TMEM135: variants seen among roughly 807,000 people sequenced by gnomAD.
The protein encoded by TMEM135 is transmembrane protein 135, also known as peroxisomal membrane protein 52.
In TMEM135, 30 loss-of-function variants were observed where a neutral mutation model predicts 60.3. The observed-to-expected ratio is 0.50, with a 90% CI of 0.37 to 0.68. TMEM135 has a LOEUF of 0.68. TMEM135 is among the 30% of genes least tolerant of loss of function. The pLI is 0.00. For missense variants in TMEM135, 468 were observed against 548.8 expected (o/e 0.85, Z 1.47); for synonymous variants, 190 against 186.7 (o/e 1.02, Z -0.14).
At chr11:87,163,820 C>G (rs201348855) in intron 5 of TMEM135, among the ~76,000 whole-genome samples, 54,022 of 117,514 alleles carry the variant, frequency 0.46, 13,757 homozygotes, top group East Asian at 0.66. Context: ...GTGTTTTTTG[C>G]CTGCATAAAT....
intron 6 of TMEM135, among the ~76,000 whole-genome samples, chr11:87,274,786 C>CTCTGTGTGTGTGTGTGTGTG (rs1941936110): frequency 7.7e-6 from 1 of 129,290 alleles, no homozygotes; most frequent in African/African-American, 3.0e-5. Flanking sequence ...CATAGCAAGA[C>CTCTGTGTGTGTGTGTGTGTG]TGTGTGTGTG....
At chr11:87,141,531 G>T (rs189284106) in intron 4 of TMEM135, among the ~76,000 whole-genome samples, 2 of 152,214 alleles carry the variant, frequency 1.3e-5, no homozygotes, top group East Asian at 1.9e-4. Flanking sequence ...CATTTGTAAA[G>T]TTTTATTGCT....
chr11:87,300,048 A>G (rs564564709), intron 7 of TMEM135, among the ~76,000 whole-genome samples: 2 of 152,218 alleles, frequency 1.3e-5, no homozygotes, highest in South Asian at 4.1e-4. Flanking sequence ...AAGAAGAGCA[A>G]TACAGACGCA....
At chr11:87,097,459 G>T (rs747978910) in intron 4 of TMEM135, among the ~76,000 whole-genome samples, 4 of 152,160 alleles carry the variant, frequency 2.6e-5, no homozygotes, top group African/African-American at 9.7e-5. Context: ...TCATCACAAG[G>T]TGAAGTGTGA....
intron 5 of TMEM135, among the ~76,000 whole-genome samples, chr11:87,172,568 G>C (rs1283017613): frequency 6.6e-6 from 1 of 152,002 alleles, no homozygotes; most frequent in East Asian, 1.9e-4. Flanking sequence ...CTGATTGCTA[G>C]AGTGAGAGTA....
chr11:87,150,429 T>G (rs1489164498), intron 4 of TMEM135, among the ~76,000 whole-genome samples: 1 of 152,182 alleles, frequency 6.6e-6, no homozygotes, highest in Non-Finnish European at 1.5e-5. Context: ...ATTACTGACT[T>G]CCTACTACAG....
At chr11:87,110,493 T>C (rs1162504251) in intron 4 of TMEM135, among the ~76,000 whole-genome samples, 1 of 152,074 alleles carries the variant, frequency 6.6e-6, no homozygotes, top group Non-Finnish European at 1.5e-5. Flanking sequence ...TGGTTTACCA[T>C]TTAATAGCTT....
intron 5 of TMEM135, among the ~76,000 whole-genome samples, chr11:87,188,704 C>CAA (rs11374133): frequency 0.43 from 62,966 of 146,108 alleles, 14,475 homozygotes; most frequent in East Asian, 0.68. Flanking sequence ...AACTCAGTCT[C>CAA]AAAAAAAAAA....
intron 6 of TMEM135, among the ~76,000 whole-genome samples, chr11:87,259,909 C>T (rs1330363959): frequency 1.3e-5 from 2 of 152,130 alleles, no homozygotes; most frequent in Non-Finnish European, 2.9e-5. Context: ...CCTCTTTGTA[C>T]TGGTAGGGCC....
intron 3 of TMEM135, among the ~76,000 whole-genome samples, chr11:87,087,260 TG>T (rs1262670582): frequency 1.3e-5 from 2 of 149,328 alleles, no homozygotes; most frequent in African/African-American, 5.0e-5. Flanking sequence ...GCATGGGGCT[TG>T]GTTTGGTTAG....
intron 4 of TMEM135, among the ~76,000 whole-genome samples, chr11:87,140,845 T>C (rs1363739914): frequency 1.3e-5 from 2 of 152,216 alleles, no homozygotes; most frequent in Non-Finnish European, 2.9e-5. Flanking sequence ...TATTTCCGTT[T>C]GGAAATTCCG....
intron 9 of TMEM135, among the ~76,000 whole-genome samples, chr11:87,309,230 G>A (rs547253063): frequency 2.0e-5 from 3 of 152,258 alleles, no homozygotes; most frequent in African/African-American, 7.2e-5. Flanking sequence ...TCAAGAAATG[G>A]AATTTTGGTG....
At chr11:87,247,433 G>A (rs1399090099) in intron 6 of TMEM135, among the ~76,000 whole-genome samples, 4 of 152,166 alleles carry the variant, frequency 2.6e-5, no homozygotes, top group African/African-American at 9.6e-5. Context: ...CTGTCTTTTT[G>A]TTTGTCTGTG....
rs532924953 is a variant in TMEM135, at chr11:87,185,920, T to G, written c.462+28514T>G. 5.9e-5 allele frequency among the ~76,000 whole-genome samples: 9 copies of G among 151,612 alleles called. 1 individual carries two copies. The South Asian group carries it at 1.9e-3, about 32-fold the overall frequency. On this transcript the variant is annotated intron_variant, in intron 5 of 14. Transcript: ENST00000305494. ...TCTGTTGTAGTTATCCTTCTTTTTT[T>G]TTTGTGAGACAGAGGTTCATTCTGT...
In TMEM135 at chr11:87,305,922, G is replaced by A. The variant is rs1942535219; in HGVS notation, c.699-14G>A. 2 of 1,595,324 alleles carry A rather than the reference G, an allele frequency of 1.3e-6. No individual in the cohort carries two copies. The highest frequency in any genetic ancestry group is 1.7e-5 in the Admixed American group (1 of 59,318). ...TAATTATAATTAGTTTAATTTTTTTGGGTTCAATTTCAGATGCAAACATGG... is the reference window on the plus strand; with the variant it reads ...TAATTATAATTAGTTTAATTTTTTTAGGTTCAATTTCAGATGCAAACATGG... On this transcript the variant is annotated splice_polypyrimidine_tract_variant and intron_variant, in intron 8 of 14. Transcript: ENST00000305494.
chr11:87,110,477 G>A (rs1857715121), intron 4 of TMEM135, among the ~76,000 whole-genome samples: 1 of 151,360 alleles, frequency 6.6e-6, no homozygotes, highest in African/African-American at 2.4e-5. Context: ...AAAAAAAATT[G>A]AATCCTGGTT....
intron 6 of TMEM135, among the ~76,000 whole-genome samples, chr11:87,285,065 T>C (rs1942138735): frequency 6.6e-6 from 1 of 152,226 alleles, no homozygotes; most frequent in Admixed American, 6.5e-5. Flanking sequence ...TGAACATTTT[T>C]CAAAACAAAA....
At chr11:87,106,177 C>A (rs11533276) in intron 4 of TMEM135, among the ~76,000 whole-genome samples, 12,312 of 151,560 alleles carry the variant, frequency 0.081, 568 homozygotes, top group East Asian at 0.17. Context: ...GATCTCGGCT[C>A]ACTGCAACCT....
chr11:87,222,859 C>T (rs1371452553), intron 5 of TMEM135, among the ~76,000 whole-genome samples: 1 of 151,986 alleles, frequency 6.6e-6, no homozygotes, highest in Non-Finnish European at 1.5e-5. Flanking sequence ...TGTTATATCA[C>T]TCTCTAATCT....
Sources: allele counts gnomAD v4.1 joint callset (sites outside exome capture counted in the v4.1 genomes callset), GRCh38; gene constraint gnomAD v4.1.1; transcripts MANE v1.5; gene names NCBI Gene and HGNC (gene_info 2026-07-23, HGNC 2026-07-21).